The following CSTF2 variants were observed in gnomAD, a reference collection of about 807,000 sequenced individuals.
CSTF2 encodes cleavage stimulation factor subunit 2.
In CSTF2, 8 loss-of-function variants were observed where a neutral mutation model predicts 45.4. The observed-to-expected ratio is 0.18, with a 90% confidence interval of 0.10 to 0.32. The LOEUF (loss-of-function observed/expected upper bound fraction) is 0.32, where lower values mean the gene tolerates loss of function less well. CSTF2 is among the 10% of genes least tolerant of loss of function. The pLI is 1.00. For synonymous variants in CSTF2, 155 were observed against 158.9 expected, an observed-to-expected ratio of 0.98 and a Z score of 0.18; for missense variants, 253 against 477.1, an observed-to-expected ratio of 0.53 and a Z score of 4.38.
At chrX:100,822,719 T>C in intron 3 of CSTF2, 1 of 323,237 alleles carries the variant, frequency 3.1e-6, no homozygotes, top group Non-Finnish European at 5.6e-6. Flanking sequence ...ATGCATAGGG[T>C]CACTGCAGAC....
chrX:100,833,619 T>A, intron 11 of CSTF2, 147 bp downstream of exon 11: 1 of 552,482 alleles, frequency 1.8e-6, no homozygotes, highest in Non-Finnish European at 2.8e-6. Flanking sequence ...GTAGCTTCTC[T>A]GTCCCTTAGG....
At chrX:100,823,094 C>T (rs745771053) in intron 3 of CSTF2, among the ~76,000 whole-genome samples, 198 bp from the exon 4 acceptor site, 2 of 112,491 alleles carry the variant, frequency 1.8e-5, no homozygotes, top group Non-Finnish European at 3.8e-5. Context: ...TCATGATCCC[C>T]AGCTTTCCTC....
At chrX:100,823,857 A>G in intron 4 of CSTF2, 29 bp from the exon 5 acceptor site, 1 of 1,203,438 alleles carries the variant, frequency 8.3e-7, no homozygotes, top group Non-Finnish European at 1.1e-6. Context: ...AGTCATAAGT[A>G]TTAAACCTGA....
At chrX:100,822,171 C>A in intron 2 of CSTF2, 80 bp from the exon 3 acceptor site, 2 of 749,546 alleles carry the variant, frequency 2.7e-6, no homozygotes, top group South Asian at 3.0e-5. Flanking sequence ...TTACAGTGGG[C>A]CCAATTAAAG....
chrX:100,828,790 G>A (rs1459997691), intron 8 of CSTF2, among the ~76,000 whole-genome samples: 1 of 112,453 alleles, frequency 8.9e-6, no homozygotes, highest in African/African-American at 3.2e-5. Context: ...GGAACTGAGT[G>A]CATACTATAT....
At chrX:100,831,468 C>T in intron 8 of CSTF2, 47 bp from the exon 9 acceptor site, 3 of 1,199,768 alleles carry the variant, frequency 2.5e-6, no homozygotes, top group Non-Finnish European at 3.4e-6. Context: ...TTCTTGTTTG[C>T]TTATGTGTCT....
Position 100,833,349 on chromosome X carries a change from G to A in CSTF2, c.1377G>A (p.Gly459=). The A allele has an allele frequency of 1.7e-6, 2 of 1,210,724 alleles. No homozygotes were observed. Among genetic ancestry groups the A allele is most frequent in the Non-Finnish European group, 2.2e-6 (2 of 895,043 alleles). The change falls in exon 11 of 14, where the codon GGG becomes GGA. Residue 459 remains glycine (G), a synonymous_variant. Coordinates refer to ENST00000372972, the MANE Select transcript of CSTF2 (RefSeq NM_001325.3). The stretch of plus-strand genomic sequence containing the variant: ...AGGCCCGTGCAATGGAAGTCCGAGG[G>A]ATGGAGGCCAGAGGCATGGATACCA... ...AMEARAMEVR[G]MEARGMDTRG...
intron 12 of CSTF2, among the ~76,000 whole-genome samples, chrX:100,837,932 A>G (rs2085018575): frequency 8.9e-6 from 1 of 112,121 alleles, no homozygotes; most frequent in South Asian, 3.7e-4. Context: ...CACAGATACC[A>G]TCTTAGTCTC....
intron 8 of CSTF2, chrX:100,830,980 T>G (rs1602369893): frequency 8.3e-6 from 5 of 601,880 alleles, no homozygotes; most frequent in Non-Finnish European, 1.3e-5. Context: ...AAGGGTAGTG[T>G]TTTTGGGTTT....
intron 6 of CSTF2, among the ~76,000 whole-genome samples, chrX:100,825,586 T>C (rs1426949405): frequency 9.0e-6 from 1 of 111,649 alleles, no homozygotes; most frequent in African/African-American, 3.3e-5. Flanking sequence ...TTTCTGTAAA[T>C]GATCAGACAG....
chrX:100,820,489 T>G lies in CSTF2; in HGVS notation c.58+15T>G. 7 of 1,207,187 alleles carry G rather than the reference T, an allele frequency of 5.8e-6. No homozygotes were observed. The highest frequency in any genetic ancestry group is 7.9e-6 in the Non-Finnish European group (7 of 890,952). On this transcript the variant is annotated intron_variant, in intron 1 of 13. Coordinates refer to ENST00000372972, the MANE Select transcript of CSTF2 (RefSeq NM_001325.3). ...TTCTGTGTTCGGTGAGAGGAATTCG[T>G]TGTAGTCAAGCTTCGGGGAGGGACT...
Position 100,832,925 on chromosome X carries a change from A to G in CSTF2, c.1207+16A>G, listed in dbSNP as rs201844149. ...GATGGCAGAGGTAAGGGGAGATCACATTGCAAATGCCATAATGAACTCAAC... is the reference window on the plus strand; with the variant it reads ...GATGGCAGAGGTAAGGGGAGATCACGTTGCAAATGCCATAATGAACTCAAC... On this transcript the variant is annotated intron_variant, in intron 10 of 13. Transcript: ENST00000372972. 3 of 1,174,541 alleles carry G rather than the reference A, an allele frequency of 2.6e-6. No individual in the cohort carries two copies. In the African/African-American group the frequency reaches 5.3e-5, roughly 21 times the overall value.
intron 9 of CSTF2, among the ~76,000 whole-genome samples, chrX:100,831,924 T>C (rs1036081822): frequency 8.9e-6 from 1 of 112,276 alleles, no homozygotes; most frequent in Non-Finnish European, 1.9e-5. Context: ...ATATTAATAA[T>C]AGCAATAATA....
intron 8 of CSTF2, chrX:100,830,858 C>T: frequency 2.6e-6 from 3 of 1,152,592 alleles, no homozygotes; most frequent in Non-Finnish European, 3.4e-6. Context: ...ATCAATTGAG[C>T]GAGTTCAAGG....
chrX:100,821,074 C>T (rs1169895790), intron 1 of CSTF2, among the ~76,000 whole-genome samples: 1 of 112,560 alleles, frequency 8.9e-6, no homozygotes, highest in South Asian at 3.6e-4. Context: ...TTTAGAGTAC[C>T]ATTTGAAAGG....
At chrX:100,822,020 G>A (rs1327469699) in intron 2 of CSTF2, among the ~76,000 whole-genome samples, 1 of 109,510 alleles carries the variant, frequency 9.1e-6, no homozygotes, top group African/African-American at 3.3e-5. Flanking sequence ...TTGAACCCGG[G>A]AGGCAGAGAT....
chrX:100,834,861 A>G (rs1258159828), intron 11 of CSTF2, among the ~76,000 whole-genome samples: 10 of 111,834 alleles, frequency 8.9e-5, no homozygotes, highest in Non-Finnish European at 1.7e-4. Context: ...TCTATGATGC[A>G]AGACATTGCA....
chrX:100,829,355 G>A (rs763305516), intron 8 of CSTF2, among the ~76,000 whole-genome samples: 1 of 110,771 alleles, frequency 9.0e-6, no homozygotes, highest in Non-Finnish European at 1.9e-5. Flanking sequence ...TTGGGCAATG[G>A]TGGTGTGCAC....
intron 3 of CSTF2, chrX:100,822,878 G>T: frequency 7.2e-6 from 1 of 139,095 alleles, no homozygotes; most frequent in Non-Finnish European, 1.4e-5. Flanking sequence ...CCATTGCTAA[G>T]GAGTTATTTC....
Sources: allele counts gnomAD v4.1 joint callset (sites outside exome capture counted in the v4.1 genomes callset), GRCh38; gene constraint gnomAD v4.1.1; transcripts MANE v1.5; gene names NCBI Gene and HGNC (gene_info 2026-07-23, HGNC 2026-07-21).